KCNH8: variants seen among roughly 807,000 people sequenced by gnomAD.
KCNH8 encodes the protein potassium voltage-gated channel subfamily H member 8.
A neutral mutation model predicts 103.6 loss-of-function variants in KCNH8; 70 were observed. That is an observed-to-expected ratio of 0.68 (90% CI 0.56 to 0.82). The LOEUF (loss-of-function observed/expected upper bound fraction) is 0.82. Ranked by LOEUF, KCNH8 falls within the 40% of genes least tolerant of loss-of-function variation. The pLI is 0.00. For synonymous variants in KCNH8, 498 were observed against 489.4 expected (o/e 1.02, Z -0.23); for missense variants, 1,217 against 1,329.9 (o/e 0.92, Z 1.32).
chr3:19,342,181 C>T (rs1056544489), intron 3 of KCNH8, among the ~76,000 whole-genome samples: 12 of 151,954 alleles, frequency 7.9e-5, no homozygotes, highest in African/African-American at 2.7e-4. Context: ...TGTAAACTTA[C>T]ATTTATGCAG....
chr3:19,160,506 A>G (rs1458860743), intron 1 of KCNH8, among the ~76,000 whole-genome samples: 2 of 152,146 alleles, frequency 1.3e-5, no homozygotes, highest in Non-Finnish European at 2.9e-5. Flanking sequence ...CTTCCAGTAC[A>G]TAGCAGCTAC....
chr3:19,369,909 T>C (rs1300141480), intron 5 of KCNH8, among the ~76,000 whole-genome samples: 1 of 152,040 alleles, frequency 6.6e-6, no homozygotes, highest in Admixed American at 6.6e-5. Context: ...CTACAATCCT[T>C]GACTAACTTC....
chr3:19,392,855 T>A (rs566457838), intron 6 of KCNH8, among the ~76,000 whole-genome samples: 1 of 152,010 alleles, frequency 6.6e-6, no homozygotes, highest in Non-Finnish European at 1.5e-5. Context: ...GTTCTATCAT[T>A]TACCATCTGA....
Position 19,253,083 on chromosome 3 carries a change from C to A in KCNH8, c.77-571C>A, listed in dbSNP as rs545645331. Among the ~76,000 whole-genome samples, 40 of 152,262 alleles carry A rather than the reference C, an allele frequency of 2.6e-4. 2 individuals are homozygous for A. In the South Asian group the frequency reaches 5.8e-3, roughly 22 times the overall value. On this transcript the variant is annotated intron_variant, in intron 1 of 15. Coordinates refer to ENST00000328405, the MANE Select transcript of KCNH8 (RefSeq NM_144633.3). ...GGACAACCTTTAGTTGTACTCCTCACAATTATTTCAGGACCCATGTATTTT... is the reference window on the plus strand; with the variant it reads ...GGACAACCTTTAGTTGTACTCCTCAAAATTATTTCAGGACCCATGTATTTT...
intron 7 of KCNH8, among the ~76,000 whole-genome samples, chr3:19,400,920 A>G (rs1176991305): frequency 6.6e-6 from 1 of 152,014 alleles, no homozygotes; most frequent in Admixed American, 6.6e-5. Context: ...CAGGGTTTAC[A>G]TAAAGAATTA....
intron 11 of KCNH8, among the ~76,000 whole-genome samples, chr3:19,480,143 A>G (rs2068058457): frequency 6.6e-6 from 1 of 152,128 alleles, no homozygotes; most frequent in Non-Finnish European, 1.5e-5. Context: ...TAGATTTCCT[A>G]TCTTCCCTGG....
intron 7 of KCNH8, among the ~76,000 whole-genome samples, chr3:19,427,483 C>G (rs527279515): frequency 1.6e-4 from 24 of 152,086 alleles, no homozygotes; most frequent in Middle Eastern, 6.8e-3. Context: ...TTATAAGTTC[C>G]AAGAAATTAC....
chr3:19,504,315 C>G (rs2068649650), intron 11 of KCNH8, among the ~76,000 whole-genome samples: 1 of 152,110 alleles, frequency 6.6e-6, no homozygotes, highest in Non-Finnish European at 1.5e-5. Flanking sequence ...AAAGCAATTG[C>G]AACAAAAGCA....
At chr3:19,199,477 C>T (rs2063634802) in intron 1 of KCNH8, among the ~76,000 whole-genome samples, 1 of 151,694 alleles carries the variant, frequency 6.6e-6, no homozygotes, top group Admixed American at 6.6e-5. Context: ...ACAAAAACTG[C>T]TGGACAAAAA....
At chr3:19,239,635 A>AATCTATCTATCT (rs10571316) in intron 1 of KCNH8, among the ~76,000 whole-genome samples, 78 of 145,838 alleles carry the variant, frequency 5.3e-4, no homozygotes, top group Middle Eastern at 3.5e-3. Flanking sequence ...AGAATGATGG[A>AATCTATCTATCT]ATCTATCTAT....
In KCNH8 at chr3:19,236,636, A is replaced by C. The variant is rs543709494; in HGVS notation, c.77-17018A>C. 5.3e-5 allele frequency among the ~76,000 whole-genome samples: 8 copies of C among 152,326 alleles called. No individual in the cohort carries two copies. The East Asian group carries it at 1.5e-3, about 29-fold the overall frequency. Reference sequence around the variant, plus strand: ...TTTCCTCAGAATCTGGTAAAGGAAGATGTGGTATAAGTTTAAGATGAAACA... The same window carrying C: ...TTTCCTCAGAATCTGGTAAAGGAAGCTGTGGTATAAGTTTAAGATGAAACA... On this transcript the variant is annotated intron_variant, in intron 1 of 15. Coordinates refer to ENST00000328405, the MANE Select transcript of KCNH8 (RefSeq NM_144633.3).
intron 1 of KCNH8, among the ~76,000 whole-genome samples, chr3:19,164,524 C>CA (rs2063263558): frequency 1.3e-5 from 2 of 152,124 alleles, no homozygotes; most frequent in Non-Finnish European, 1.5e-5. Context: ...AATAAATTGT[C>CA]AAAAGTCACA....
At chr3:19,247,806 T>C (rs2064225222) in intron 1 of KCNH8, among the ~76,000 whole-genome samples, 1 of 152,206 alleles carries the variant, frequency 6.6e-6, no homozygotes, top group Admixed American at 6.5e-5. Flanking sequence ...CCCCATTGCT[T>C]TGAATGGCTC....
chr3:19,447,823 T>G (rs2067384917), intron 8 of KCNH8, among the ~76,000 whole-genome samples: 1 of 152,004 alleles, frequency 6.6e-6, no homozygotes, highest in Non-Finnish European at 1.5e-5. Flanking sequence ...AAATCCAACA[T>G]TTAGTTGTTA....
intron 3 of KCNH8, among the ~76,000 whole-genome samples, chr3:19,292,663 A>C (rs1300821031): frequency 6.6e-6 from 1 of 152,160 alleles, no homozygotes; most frequent in Non-Finnish European, 1.5e-5. Context: ...ACTGGTGGGC[A>C]CTCAGGCTCT....
chr3:19,213,602 C>A (rs1307897115), intron 1 of KCNH8, among the ~76,000 whole-genome samples: 2 of 152,180 alleles, frequency 1.3e-5, no homozygotes, highest in African/African-American at 4.8e-5. Context: ...GGCCAAAAAC[C>A]AGTAGTCATC....
chr3:19,395,040 A>G (rs1034982313), intron 6 of KCNH8, 64 bp from the exon 7 acceptor site: 1 of 1,161,428 alleles, frequency 8.6e-7, no homozygotes, highest in Non-Finnish European at 1.3e-6. Flanking sequence ...AATGGCTCCA[A>G]GTTAATGTTG....
intron 1 of KCNH8, among the ~76,000 whole-genome samples, chr3:19,245,812 A>C (rs1300489673): frequency 6.6e-6 from 1 of 152,174 alleles, no homozygotes; most frequent in Non-Finnish European, 1.5e-5. Context: ...CCATACTGAA[A>C]GTGTTTATCA....
chr3:19,442,600 G>C (rs1035254335), intron 8 of KCNH8, among the ~76,000 whole-genome samples: 1 of 152,078 alleles, frequency 6.6e-6, no homozygotes, highest in Non-Finnish European at 1.5e-5. Context: ...CAAATGTCCT[G>C]GTGCAAAATC....
Sources: allele counts gnomAD v4.1 joint callset (sites outside exome capture counted in the v4.1 genomes callset), GRCh38; gene constraint gnomAD v4.1.1; transcripts MANE v1.5; gene names NCBI Gene and HGNC (gene_info 2026-07-23, HGNC 2026-07-21).